Variants in FER1L5 observed in about 807,000 individuals in gnomAD.
The protein encoded by FER1L5 is fer-1-like protein 5.
FER1L5 carries 187 observed loss-of-function variants against 279.9 expected under a neutral mutation model. The ratio of observed to expected loss-of-function variants is 0.67; its 90% confidence interval spans 0.59 to 0.75. The LOEUF is 0.75. Among genes scored for constraint, FER1L5 ranks in the 30% least tolerant of loss-of-function variants. The pLI, the probability that FER1L5 is intolerant of heterozygous loss-of-function variation, is 0.00. For missense variants in FER1L5, 2,091 were observed against 2,594.4 expected (o/e 0.81, Z 4.21); for synonymous variants, 921 against 989.7 (o/e 0.93, Z 1.30).
intron 14 of FER1L5, among the ~76,000 whole-genome samples, chr2:96,666,511 C>T: frequency 6.6e-6 from 1 of 151,926 alleles, no homozygotes. Context: ...AAATGGAAAG[C>T]TGGGAGGTTC....
chr2:96,671,106 C>CAAAAAAAAAAAAAAAAAAAAAAAAAAAAA (rs750341048), intron 18 of FER1L5, among the ~76,000 whole-genome samples: 1 of 40,220 alleles, frequency 2.5e-5, no homozygotes. Flanking sequence ...GACTCCATCT[C>CAAAAAAAAAAAAAAAAAAAAAAAAAAAAA]AAAAAAAAAA....
chr2:96,692,464 AG>A (rs1384522747), intron 31 of FER1L5, among the ~76,000 whole-genome samples: 1 of 152,234 alleles, frequency 6.6e-6, no homozygotes, highest in Non-Finnish European at 1.5e-5. Context: ...ACTACGAGGC[AG>A]GGCTGCTCTT....
At chr2:96,651,803 A>C (rs1573782570) in intron 6 of FER1L5, 89 bp from the exon 7 acceptor site, 1 of 1,526,026 alleles carries the variant, frequency 6.6e-7, no homozygotes, top group South Asian at 1.2e-5. Context: ...CACTCATTGC[A>C]CCTGGCCTAG....
chr2:96,659,734 G>T (rs1009025500), intron 9 of FER1L5, among the ~76,000 whole-genome samples: 2 of 151,406 alleles, frequency 1.3e-5, no homozygotes, highest in African/African-American at 2.4e-5. Flanking sequence ...CTCTTGATCC[G>T]CCTGCCTCAG....
chr2:96,683,774 T>C (rs1015013432), intron 19 of FER1L5, among the ~76,000 whole-genome samples: 1 of 152,218 alleles, frequency 6.6e-6, no homozygotes, highest in Non-Finnish European at 1.5e-5. Flanking sequence ...AAATGTTCGT[T>C]TTCTGTGGAT....
intron 32 of FER1L5, 54 bp from the exon 33 acceptor site, chr2:96,693,857 A>G: frequency 6.7e-7 from 1 of 1,494,388 alleles, no homozygotes. Flanking sequence ...AAGCCCAGAC[A>G]GAGCTGGGCC....
At chr2:96,652,160 C>A in intron 7 of FER1L5, 140 bp downstream of exon 7, 2 of 1,217,430 alleles carry the variant, frequency 1.6e-6, no homozygotes, top group African/African-American at 1.5e-5. Context: ...TACTGAGGGC[C>A]AAGCACTGAA....
chr2:96,702,450 C>A lies in FER1L5; in HGVS notation c.5255+49C>A. ...GGCAGAGCCCCTCAGTTCCCCAGTTCTGTCATCCTGCTGGCACGGCCCAGT... is the reference window on the plus strand; with the variant it reads ...GGCAGAGCCCCTCAGTTCCCCAGTTATGTCATCCTGCTGGCACGGCCCAGT... On this transcript the variant is annotated intron_variant, in intron 47 of 52. Transcript: ENST00000624922. This position sits in a 1 kb window ranked among gnomAD's most constrained non-coding sequence, Gnocchi z 4.0. The A allele has an allele frequency of 1.3e-6, 2 of 1,574,940 alleles. No homozygotes were observed. The highest frequency in any genetic ancestry group is 1.7e-6 in the Non-Finnish European group (2 of 1,161,002).
At chr2:96,671,558 G>A (rs927894961) in intron 18 of FER1L5, among the ~76,000 whole-genome samples, 3 of 152,224 alleles carry the variant, frequency 2.0e-5, no homozygotes, top group Non-Finnish European at 2.9e-5. Flanking sequence ...TCTCTGACAT[G>A]TGATGTAAGA....
chr2:96,696,512 T>C (rs1461948821), intron 37 of FER1L5, among the ~76,000 whole-genome samples: 2 of 152,080 alleles, frequency 1.3e-5, no homozygotes, highest in Non-Finnish European at 2.9e-5. Flanking sequence ...CAGGCTGGTC[T>C]CGAACTCTTG....
intron 23 of FER1L5, among the ~76,000 whole-genome samples, chr2:96,686,651 T>C (rs917260961): frequency 6.6e-6 from 1 of 151,794 alleles, no homozygotes; most frequent in African/African-American, 2.4e-5. Context: ...GGTCAGGAGT[T>C]TGAGACCCAG....
chr2:96,698,053 TG>T lies in FER1L5; in HGVS notation c.4255del (p.Glu1419ArgfsTer30). 6.3e-7 allele frequency: 1 copy of T among 1,577,916 alleles called. No individual in the cohort carries two copies. ...YHTLKVYECE[L>X]EAVPAFQGLQ... Reference sequence around the variant, plus strand: ...CCTCTGCAGGTGTATGAGTGTGAGCTGGAGGCCGTGCCAGCCTTCCAGGGCC... The same window carrying T: ...CCTCTGCAGGTGTATGAGTGTGAGCTGAGGCCGTGCCAGCCTTCCAGGGCC... On this transcript the variant is annotated frameshift_variant, in exon 40 of 53. Transcript: ENST00000624922. LOFTEE classifies it high-confidence loss of function. This position sits in a 1 kb window ranked among gnomAD's most constrained non-coding sequence, Gnocchi z 5.5.
chr2:96,689,807 A>G lies in FER1L5; in HGVS notation c.2640+49A>G. 6.9e-7 allele frequency: 1 copy of G among 1,446,258 alleles called. No individual in the cohort carries two copies. 89.6% of individuals were successfully genotyped at this position (1,446,258 alleles called of 1,614,324 possible). On this transcript the variant is annotated intron_variant, in intron 26 of 52. Transcript: ENST00000624922. The surrounding 1 kb of genome is among the most constrained non-coding windows in gnomAD (Gnocchi z 4.6). Reference sequence around the variant, plus strand: ...GGGTTAGGGGGCAAGCAAGGCCACCAGGCGGGGCGCCTTGGAAGCTGGGGG... The same window carrying G: ...GGGTTAGGGGGCAAGCAAGGCCACCGGGCGGGGCGCCTTGGAAGCTGGGGG...
At chr2:96,663,289 AGTT>A in intron 13 of FER1L5, 147 bp from the exon 14 acceptor site, 1 of 683,900 alleles carries the variant, frequency 1.5e-6, no homozygotes, top group Non-Finnish European at 2.6e-6. Flanking sequence ...GCTGCTGAGA[AGTT>A]GTGCAGGTGT....
Position 96,649,743 on chromosome 2 carries a change from G to C in FER1L5, c.394+66G>C, listed in dbSNP as rs367651018. ...GCCTTTCTGCATGCACAGCTGGATGGGTTCTTGGGGACCTTCAAAACCCAG... is the reference window on the plus strand; with the variant it reads ...GCCTTTCTGCATGCACAGCTGGATGCGTTCTTGGGGACCTTCAAAACCCAG... On this transcript the variant is annotated intron_variant, in intron 5 of 52. Coordinates refer to ENST00000624922, the MANE Select transcript of FER1L5 (RefSeq NM_001293083.2). 5.4e-5 allele frequency: 81 copies of C among 1,495,950 alleles called. No homozygotes were observed. In the East Asian group the frequency reaches 1.5e-3, roughly 28 times the overall value. 92.7% of individuals were successfully genotyped at this position (1,495,950 alleles called of 1,614,324 possible).
In FER1L5 at chr2:96,691,367, G is replaced by A. The variant is rs772149901; in HGVS notation, c.2907+14G>A. On this transcript the variant is annotated intron_variant, in intron 28 of 52. Coordinates refer to ENST00000624922, the MANE Select transcript of FER1L5 (RefSeq NM_001293083.2). This position sits in a 1 kb window ranked among gnomAD's most constrained non-coding sequence, Gnocchi z 6.0. ...TTCCTGCAGCTGGTGAGGGGTCGAC[G>A]GGCGCCCTGGCTGGGACTGCGGGCA... 1.9e-5 allele frequency: 29 copies of A among 1,545,794 alleles called. No homozygotes were observed. Among genetic ancestry groups the A allele is most frequent in the African/African-American group, 6.9e-5 (5 of 72,968 alleles).
chr2:96,673,164 G>C lies in FER1L5; in HGVS notation c.1579G>C (p.Glu527Gln), dbSNP rs928926815. Residue 527 changes from glutamate (E) to glutamine (Q), a missense_variant, in exon 19 of 53, where the codon GAG becomes CAG. Glu to Gln is a conservative substitution (Grantham distance 29). Transcript: ENST00000624922. ...MPNFKELIHF[E>Q]VSIGHYGNKM... ...CAACTTTAAAGAGCTGATCCATTTC[G>C]AGGTCAGCATCGGTCACTATGGGAA... is the stretch of plus-strand genomic sequence containing the variant. The C allele has an allele frequency of 4.0e-5, 62 of 1,551,362 alleles. No individual in the cohort carries two copies. Among genetic ancestry groups the C allele is most frequent in the Non-Finnish European group, 5.2e-5 (60 of 1,146,964 alleles).
In FER1L5 at chr2:96,646,466, G is replaced by A; in HGVS notation, c.138+13G>A. 6.4e-7 allele frequency: 1 copy of A among 1,551,620 alleles called. No homozygotes were observed. The highest frequency in any genetic ancestry group is 8.7e-7 in the Non-Finnish European group (1 of 1,146,828). On this transcript the variant is annotated intron_variant, in intron 2 of 52. Coordinates refer to ENST00000624922, the MANE Select transcript of FER1L5 (RefSeq NM_001293083.2). Reference sequence around the variant, plus strand: ...CGTGTGGAATGAGGTAGACAACAGGGCAAGCCCAGAAGAGGAAATAACAAC... The same window carrying A: ...CGTGTGGAATGAGGTAGACAACAGGACAAGCCCAGAAGAGGAAATAACAAC...
At chr2:96,642,994 T>C in intron 1 of FER1L5, 73 bp downstream of exon 1, 1 of 1,310,700 alleles carries the variant, frequency 7.6e-7, no homozygotes, top group East Asian at 2.7e-5. Flanking sequence ...AAAAAAGAGG[T>C]GTATGGCACC....
Sources: gnomAD v4.1 joint callset for allele counts (sites outside exome capture counted in the v4.1 genomes callset) on GRCh38, gnomAD v4.1.1 for gene constraint, Gnocchi (gnomAD v3.1) non-coding constraint, MANE v1.5 for transcripts, NCBI Gene and HGNC (gene_info 2026-07-23, HGNC 2026-07-21) for gene names.